The following TUBA1C variants were observed in gnomAD, a reference collection of about 807,000 sequenced individuals.
TUBA1C encodes the protein tubulin alpha 1c, also known as tubulin alpha-1C chain.
A neutral mutation model predicts 34.9 loss-of-function variants in TUBA1C; 16 were observed. The observed-to-expected ratio is 0.46, with a 90% CI of 0.31 to 0.70. The LOEUF (loss-of-function observed/expected upper bound fraction) is 0.70. TUBA1C is among the 30% of genes least tolerant of loss of function. The pLI is 0.05. For missense variants in TUBA1C, 329 were observed against 587.3 expected (o/e 0.56, Z 4.55); for synonymous variants, 177 against 215.9 (o/e 0.82, Z 1.58).
In TUBA1C at chr12:49,229,379, G is replaced by T. The variant is rs1046684526; in HGVS notation, c.213+1213G>T. ...GTAGAGACAGGGTTTCACCATCTTG[G>T]CCAGGCTGATCTTGAACTCCTGACC... is the stretch of plus-strand genomic sequence containing the variant. On this transcript the variant is annotated intron_variant, in intron 1 of 3. Coordinates refer to the TUBA1C transcript ENST00000541364. 1.3e-5 allele frequency among the ~76,000 whole-genome samples: 2 copies of T among 152,068 alleles called. 1 individual carries two copies. Among genetic ancestry groups the T allele is most frequent in the Admixed American group, 1.3e-4 (2 of 15,262 alleles).
At chr12:49,270,966 G>C (rs1394966647) in intron 3 of TUBA1C, among the ~76,000 whole-genome samples, 1 of 152,040 alleles carries the variant, frequency 6.6e-6, no homozygotes, top group African/African-American at 2.4e-5. Flanking sequence ...GCGACAGAGT[G>C]AGACTCCATC....
At chr12:49,271,671 G>A (rs1942993293) in intron 3 of TUBA1C, among the ~76,000 whole-genome samples, 1 of 152,162 alleles carries the variant, frequency 6.6e-6, no homozygotes, top group African/African-American at 2.4e-5. Context: ...TGGCTATTCT[G>A]TTGTTCCACC....
At chr12:49,237,416 CA>C (rs994657439) in intron 1 of TUBA1C, among the ~76,000 whole-genome samples, 26 of 141,336 alleles carry the variant, frequency 1.8e-4, no homozygotes, top group East Asian at 6.1e-4. Flanking sequence ...AACTCCGTCT[CA>C]AAAAAAAAAG....
chr12:49,267,631 CTT>C (rs1029824822), intron 1 of TUBA1C, among the ~76,000 whole-genome samples: 1 of 152,172 alleles, frequency 6.6e-6, no homozygotes, highest in Non-Finnish European at 1.5e-5. Flanking sequence ...CAGAGCGAGA[CTT>C]TTTCTCAAAA....
chr12:49,265,491 T>C (rs1222329562), intron 1 of TUBA1C, among the ~76,000 whole-genome samples: 1 of 152,240 alleles, frequency 6.6e-6, no homozygotes, highest in Non-Finnish European at 1.5e-5. Context: ...GCCTGCTCAT[T>C]GGCCTCCAAG....
At chr12:49,247,279 G>A (rs1438928166) in intron 1 of TUBA1C, among the ~76,000 whole-genome samples, 4 of 151,908 alleles carry the variant, frequency 2.6e-5, no homozygotes, top group East Asian at 1.9e-4. Context: ...CAAACCCGCC[G>A]GACTTGGTGG....
chr12:49,267,598 CCACTG>C (rs1476115324), intron 1 of TUBA1C, among the ~76,000 whole-genome samples: 1 of 152,140 alleles, frequency 6.6e-6, no homozygotes, highest in Non-Finnish European at 1.5e-5. Context: ...GGCGGAGTTT[CCACTG>C]CACTCCAGCC....
At chr12:49,242,650 T>G (rs974706022) in intron 1 of TUBA1C, among the ~76,000 whole-genome samples, 81 of 151,558 alleles carry the variant, frequency 5.3e-4, no homozygotes, top group African/African-American at 2.4e-4. Flanking sequence ...AGCTAATTTT[T>G]TTGTTGTTGT....
At chr12:49,245,058 GT>G (rs2136996938) in intron 1 of TUBA1C, among the ~76,000 whole-genome samples, 1 of 152,310 alleles carries the variant, frequency 6.6e-6, no homozygotes, top group Non-Finnish European at 1.5e-5. Flanking sequence ...CTCAGAGCCT[GT>G]TTTAGTGCCT....
intron 1 of TUBA1C, among the ~76,000 whole-genome samples, chr12:49,240,048 AC>A (rs1942596855): frequency 6.7e-6 from 1 of 149,744 alleles, no homozygotes; most frequent in Non-Finnish European, 1.5e-5. Context: ...ACACACACAC[AC>A]ACACACACAC....
At chr12:49,251,602 C>A (rs1483340202) in intron 1 of TUBA1C, among the ~76,000 whole-genome samples, 1 of 151,644 alleles carries the variant, frequency 6.6e-6, no homozygotes, top group Non-Finnish European at 1.5e-5. Context: ...TTGTGAAACC[C>A]CTGTCTCTAC....
At chr12:49,239,276 A>G (rs1942587943) in intron 1 of TUBA1C, among the ~76,000 whole-genome samples, 1 of 152,214 alleles carries the variant, frequency 6.6e-6, no homozygotes, top group Non-Finnish European at 1.5e-5. Flanking sequence ...CAAGGCTTAC[A>G]GGAGCTGAGA....
At chr12:49,235,095 CGT>C (rs1182654058) in intron 1 of TUBA1C, among the ~76,000 whole-genome samples, 3 of 145,232 alleles carry the variant, frequency 2.1e-5, no homozygotes, top group Non-Finnish European at 4.5e-5. Context: ...GGATTACAGG[CGT>C]GAGCGACTGC....
chr12:49,258,913 C>T (rs370830287), intron 1 of TUBA1C, among the ~76,000 whole-genome samples: 2 of 151,616 alleles, frequency 1.3e-5, no homozygotes, highest in African/African-American at 2.4e-5. Flanking sequence ...TGTGCCACCA[C>T]GCCTGGCTAA....
intron 1 of TUBA1C, among the ~76,000 whole-genome samples, chr12:49,251,363 T>C (rs185985818): frequency 1.3e-5 from 2 of 152,186 alleles, no homozygotes; most frequent in South Asian, 2.1e-4. Context: ...ATTTATTCTA[T>C]AAATTCAATA....
chr12:49,266,855 A>G (rs573796820), intron 1 of TUBA1C, among the ~76,000 whole-genome samples: 3 of 152,320 alleles, frequency 2.0e-5, no homozygotes, highest in Admixed American at 2.0e-4. Context: ...ACATGAATTT[A>G]AATATAAAAA....
chr12:49,242,942 C>T (rs1187149425), intron 1 of TUBA1C, among the ~76,000 whole-genome samples: 3 of 151,736 alleles, frequency 2.0e-5, no homozygotes, highest in Non-Finnish European at 2.9e-5. Flanking sequence ...GTAGCTGGGA[C>T]TACAGGCGCA....
At chr12:49,269,320 C>T (rs2137021188) in intron 1 of TUBA1C, 145 bp from the exon 2 acceptor site, 2 of 1,366,730 alleles carry the variant, frequency 1.5e-6, no homozygotes, top group East Asian at 2.5e-5. Flanking sequence ...GCCTCAGCCT[C>T]CCAAAGTACT....
chr12:49,266,164 G>A (rs1045867305), intron 1 of TUBA1C, among the ~76,000 whole-genome samples: 5 of 149,124 alleles, frequency 3.4e-5, no homozygotes, highest in Non-Finnish European at 5.9e-5. Context: ...GGTGGCTCAC[G>A]CCTGTAATCC....
Sources: allele counts gnomAD v4.1 joint callset (sites outside exome capture counted in the v4.1 genomes callset), GRCh38; gene constraint gnomAD v4.1.1; transcripts MANE v1.5; gene names NCBI Gene and HGNC (gene_info 2026-07-23, HGNC 2026-07-21).